SMOC2: variants seen among roughly 807,000 people sequenced by gnomAD.
SMOC2 encodes the protein SPARC-related modular calcium-binding protein 2.
In SMOC2, 39 loss-of-function variants were observed where a neutral mutation model predicts 61.4. That is an observed-to-expected ratio of 0.64 (90% CI 0.49 to 0.83). The LOEUF is 0.83. SMOC2 is among the 40% of genes least tolerant of loss of function. The probability of loss-of-function intolerance (pLI) is 0.00; values close to 1 mark genes in which losing one functional copy is unlikely to be tolerated. For synonymous variants in SMOC2, 247 were observed against 239.9 expected, an observed-to-expected ratio of 1.03 and a Z score of -0.27; for missense variants, 556 against 592.9, an observed-to-expected ratio of 0.94 and a Z score of 0.65.
At position 168,666,514 on chromosome 6, in the gene SMOC2, A is replaced by C. The variant is rs1373893988; in HGVS notation, c.*76A>C. On this transcript the variant is annotated 3_prime_UTR_variant, in exon 13 of 13. Coordinates refer to ENST00000356284, the MANE Select transcript of SMOC2 (RefSeq NM_001166412.2). ...CCAAAGAGCAATTAAGAAAACAAAAACAGAAACACATAGTATTTGCACTTT... is the reference window on the plus strand; with the variant it reads ...CCAAAGAGCAATTAAGAAAACAAAACCAGAAACACATAGTATTTGCACTTT... 1 of 1,476,148 alleles carries C rather than the reference A, an allele frequency of 6.8e-7. No homozygotes were observed. Among genetic ancestry groups the C allele is most frequent in the East Asian group, 2.3e-5 (1 of 44,234 alleles). 91.4% of individuals were successfully genotyped at this position (1,476,148 alleles called of 1,614,324 possible).
chr6:168,490,348 C>A (rs570019015), intron 1 of SMOC2, among the ~76,000 whole-genome samples: 1 of 152,288 alleles, frequency 6.6e-6, no homozygotes, highest in Admixed American at 6.5e-5. Context: ...ACAGAGACTC[C>A]AGCCATCATT....
intron 8 of SMOC2, among the ~76,000 whole-genome samples, chr6:168,601,274 G>A (rs750837927): frequency 2.0e-5 from 3 of 152,202 alleles, no homozygotes; most frequent in Admixed American, 6.5e-5. Context: ...GTGTGATGAC[G>A]CTGGAGCGTG....
At chr6:168,599,555 C>T (rs1251710208) in intron 8 of SMOC2, among the ~76,000 whole-genome samples, 2 of 110,360 alleles carry the variant, frequency 1.8e-5, no homozygotes, top group Non-Finnish European at 3.7e-5. Flanking sequence ...CACACTCATA[C>T]CCCCATACAC....
chr6:168,513,017 CTATAAAA>C (rs1363646232), intron 2 of SMOC2, among the ~76,000 whole-genome samples: 1 of 27,894 alleles, frequency 3.6e-5, no homozygotes, highest in East Asian at 0.05. Flanking sequence ...AAATATCTTT[CTATAAAA>C]TGTCCATAAA....
chr6:168,442,982 A>G (rs756472047), intron 1 of SMOC2, among the ~76,000 whole-genome samples: 2 of 152,228 alleles, frequency 1.3e-5, no homozygotes, highest in Non-Finnish European at 2.9e-5. Context: ...ACATCTGTAC[A>G]TGCATCTAGA....
chr6:168,585,159 A>G (rs117085455), intron 7 of SMOC2, among the ~76,000 whole-genome samples: 258 of 152,170 alleles, frequency 1.7e-3, no homozygotes, highest in Middle Eastern at 6.8e-3. Context: ...GGGTTTTGCT[A>G]TGTTGCCCAG....
chr6:168,441,362 T>G lies in SMOC2; in HGVS notation c.-9T>G, dbSNP rs778263874. 170 of 1,501,966 alleles carry G rather than the reference T, an allele frequency of 1.1e-4. No homozygotes were observed. In the South Asian group the frequency reaches 1.9e-3, roughly 17 times the overall value. 93.0% of individuals were successfully genotyped at this position (1,501,966 alleles called of 1,614,324 possible). A position where few individuals can be genotyped will look rare whatever the true frequency, so the allele number is the denominator to read the frequency against. On this transcript the variant is annotated 5_prime_UTR_variant, in exon 1 of 13. Coordinates refer to ENST00000356284, the MANE Select transcript of SMOC2 (RefSeq NM_001166412.2). ...CGGCCGATCTCCCGCTCCCGCCACC[T>G]CCGCCACCATGCTGCTCCCCCAGCT...
rs190831629 is a variant in SMOC2, at chr6:168,647,235, C to T, written c.908-3446C>T. On this transcript the variant is annotated intron_variant, in intron 9 of 12. Coordinates refer to ENST00000356284, the MANE Select transcript of SMOC2 (RefSeq NM_001166412.2). ...CTGAGCCTGCATGCGGCAGTTTTGA[C>T]GCCAACCCTTCCATGACGCAGTATT... 2.1e-4 allele frequency among the ~76,000 whole-genome samples: 32 copies of T among 152,308 alleles called. No homozygotes were observed. The East Asian group carries it at 3.5e-3, about 17-fold the overall frequency.
intron 1 of SMOC2, among the ~76,000 whole-genome samples, chr6:168,442,327 A>G (rs111301290): frequency 0.065 from 9,880 of 152,290 alleles, 388 homozygotes; most frequent in Non-Finnish European, 0.093. Context: ...GGCCCGGCCA[A>G]CGCACGCGGT....
chr6:168,564,360 G>A (rs1326266432), intron 7 of SMOC2, among the ~76,000 whole-genome samples: 1 of 152,118 alleles, frequency 6.6e-6, no homozygotes, highest in Non-Finnish European at 1.5e-5. Context: ...TCCCCGTACA[G>A]TACATGATTC....
intron 1 of SMOC2, among the ~76,000 whole-genome samples, chr6:168,442,241 T>C (rs921209343): frequency 1.3e-5 from 2 of 152,242 alleles, no homozygotes; most frequent in African/African-American, 4.8e-5. Context: ...GATGCTGCGC[T>C]CCTGAGCGCG....
At chr6:168,560,003 A>G (rs1784360706) in intron 7 of SMOC2, among the ~76,000 whole-genome samples, 1 of 152,252 alleles carries the variant, frequency 6.6e-6, no homozygotes. Context: ...AATTTTATTC[A>G]TTCCCCAGGA....
intron 4 of SMOC2, among the ~76,000 whole-genome samples, chr6:168,533,402 C>T (rs1038712970): frequency 6.6e-6 from 1 of 152,204 alleles, no homozygotes; most frequent in Non-Finnish European, 1.5e-5. Flanking sequence ...TAGTAGTATC[C>T]TAAATGACTT....
chr6:168,634,645 A>G (rs1786666174), intron 9 of SMOC2, among the ~76,000 whole-genome samples: 1 of 152,260 alleles, frequency 6.6e-6, no homozygotes, highest in African/African-American at 2.4e-5. Flanking sequence ...TCCAAGCGCT[A>G]GGCTACAAGA....
intron 7 of SMOC2, among the ~76,000 whole-genome samples, chr6:168,566,508 A>T (rs1195832151): frequency 7.5e-6 from 1 of 134,078 alleles, no homozygotes; most frequent in Non-Finnish European, 1.5e-5. Flanking sequence ...TTTGAAACAG[A>T]GTCTTGCTCT....
Position 168,608,927 on chromosome 6 carries a change from C to T in SMOC2, c.907+688C>T, listed in dbSNP as rs543060804. ...ACTACAGCGTACTTTGTTTAGAGTA[C>T]GTGCTTGATCTTGTCTCATACAGAA... On this transcript the variant is annotated intron_variant, in intron 9 of 12. Transcript: ENST00000356284. Among the ~76,000 whole-genome samples the T allele has an allele frequency of 1.2e-4, 19 of 152,244 alleles. 1 individual carries two copies. The highest frequency in any genetic ancestry group is 7.8e-4 in the Admixed American group (12 of 15,296).
intron 7 of SMOC2, among the ~76,000 whole-genome samples, chr6:168,590,443 C>CATGAGTTTT (rs1785152490): frequency 6.6e-6 from 1 of 151,144 alleles, no homozygotes; most frequent in Admixed American, 6.6e-5. Flanking sequence ...TCAGGTGTGG[C>CATGAGTTTT]ATGAGTTTAG....
intron 9 of SMOC2, among the ~76,000 whole-genome samples, chr6:168,612,778 G>A (rs966458695): frequency 4.0e-5 from 6 of 151,538 alleles, no homozygotes; most frequent in Non-Finnish European, 8.8e-5. Context: ...GCACAACCTT[G>A]TCAGAGAGGA....
At chr6:168,506,766 C>T (rs907985968) in intron 1 of SMOC2, among the ~76,000 whole-genome samples, 1 of 152,198 alleles carries the variant, frequency 6.6e-6, no homozygotes, top group African/African-American at 2.4e-5. Flanking sequence ...AATAAAGTCA[C>T]TCGATGTCCA....
Sources: allele counts gnomAD v4.1 joint callset (sites outside exome capture counted in the v4.1 genomes callset), GRCh38; gene constraint gnomAD v4.1.1; transcripts MANE v1.5; gene names NCBI Gene and HGNC (gene_info 2026-07-23, HGNC 2026-07-21).